The following PNMA8B variants were observed in gnomAD, a reference collection of about 807,000 sequenced individuals.
PNMA8B encodes the protein PNMA family member 8B.
For missense variants in PNMA8B, 887 were observed against 885.8 expected, an observed-to-expected ratio of 1.00 and a Z score of -0.02; for synonymous variants, 386 against 394.9, an observed-to-expected ratio of 0.98 and a Z score of 0.27.
chr19:46,492,480 A>C lies in PNMA8B; in HGVS notation c.*1078T>G. On this transcript the variant is annotated 3_prime_UTR_variant, in exon 1 of 1. Transcript: ENST00000599531. Reference sequence around the variant, plus strand: ...TGGGGTTTCCTCCCCAGGTCATTTCATCCCCTGTAAGGAGGGACACGCGGC... The same window carrying C: ...TGGGGTTTCCTCCCCAGGTCATTTCCTCCCCTGTAAGGAGGGACACGCGGC... The C allele has an allele frequency of 6.0e-6, 1 of 166,210 alleles. No homozygotes were observed. The highest frequency in any genetic ancestry group is 1.3e-5 in the Non-Finnish European group (1 of 76,136). The allele number at this position is 166,210 out of a possible 1,614,324, so 10.3% of individuals were successfully genotyped here.
At position 46,493,353 on chromosome 19, in the gene PNMA8B, T is replaced by A. The variant is rs1970032689; in HGVS notation, c.*205A>T. 1 of 402,990 alleles carries A rather than the reference T, an allele frequency of 2.5e-6. No individual in the cohort carries two copies. Among genetic ancestry groups the A allele is most frequent in the Admixed American group, 4.4e-5 (1 of 22,568 alleles). The allele number at this position is 402,990 out of a possible 1,614,324, so 25.0% of individuals were successfully genotyped here. On this transcript the variant is annotated 3_prime_UTR_variant, in exon 1 of 1. Transcript: ENST00000599531. This position sits in a 1 kb window ranked among gnomAD's most constrained non-coding sequence, Gnocchi z 5.3. Reference sequence around the variant, plus strand: ...TTCTCTTTCCTCCTCCCATCCGGGCTTCCTCCGTCGGGATCGCTGGCGCCC... The same window carrying A: ...TTCTCTTTCCTCCTCCCATCCGGGCATCCTCCGTCGGGATCGCTGGCGCCC...
In PNMA8B at chr19:46,494,881, C is replaced by T. The variant is rs1421883238; in HGVS notation, c.585G>A (p.Glu195=). Residue 195 remains glutamate (E), a synonymous_variant, in exon 1 of 1, where the codon GAG becomes GAA. Transcript: ENST00000599531. ...TGCCCAGGCTCTCGTCGGAAGAGTC[C>T]TCGGCCTCACTCCTCGCGGGAGCAG... ...RPSAPARSEA[E]DSSDESLGIV... 6.2e-7 allele frequency: 1 copy of T among 1,612,542 alleles called. No individual in the cohort carries two copies. Among genetic ancestry groups the T allele is most frequent in the East Asian group, 2.2e-5 (1 of 44,894 alleles).
Position 46,492,095 on chromosome 19 carries a change from T to C in PNMA8B, c.*1463A>G. The C allele has an allele frequency of 2.6e-6, 1 of 390,958 alleles. No homozygotes were observed. The highest frequency in any genetic ancestry group is 8.8e-5 in the East Asian group (1 of 11,324). The allele number at this position is 390,958 out of a possible 1,614,324, so 24.2% of individuals were successfully genotyped here. Reference sequence around the variant, plus strand: ...CTCAGTCAGCTTCTACATCTGGGTGTCCCTGACATAGGACTGGGACAGTCT... The same window carrying C: ...CTCAGTCAGCTTCTACATCTGGGTGCCCCTGACATAGGACTGGGACAGTCT... On this transcript the variant is annotated 3_prime_UTR_variant, in exon 1 of 1. Transcript: ENST00000599531.
At position 46,495,526 on chromosome 19, in the gene PNMA8B, C is replaced by A. The variant is rs1970082824; in HGVS notation, c.-61G>T. ...GGGAGCCCGAGATAGGGGTGGGCTG[C>A]AGCGCACGGTGTCAATGCAACCCTA... On this transcript the variant is annotated 5_prime_UTR_variant, in exon 1 of 1. Coordinates refer to ENST00000599531, the MANE Select transcript of PNMA8B (RefSeq NM_020709.3). 6.5e-7 allele frequency: 1 copy of A among 1,527,572 alleles called. No homozygotes were observed. The highest frequency in any genetic ancestry group is 1.4e-5 in the African/African-American group (1 of 72,582). 94.6% of individuals were successfully genotyped at this position (1,527,572 alleles called of 1,614,324 possible).
At position 46,493,885 on chromosome 19, in the gene PNMA8B, G is replaced by T; in HGVS notation, c.1581C>A (p.Asp527Glu). ...TGGCCCGGGGCTTCCTGGATGCCCT[G>T]TCCTCCGGCTCCGACGCCTCGCTCT... ...DTESEASEPE[D>E]RASRKPRAKR... Residue 527 changes from aspartate (D) to glutamate (E), a missense_variant, in exon 1 of 1, where the codon GAC becomes GAA. Coordinates refer to ENST00000599531, the MANE Select transcript of PNMA8B (RefSeq NM_020709.3). This position sits in a 1 kb window ranked among gnomAD's most constrained non-coding sequence, Gnocchi z 5.3. 6.4e-7 allele frequency: 1 copy of T among 1,553,114 alleles called. No homozygotes were observed.
rs190785097 is a variant in PNMA8B, at chr19:46,493,577, A to G, written c.1889T>C (p.Leu630Pro). 4.6e-3 allele frequency: 6,712 copies of G among 1,449,090 alleles called. 17 individuals are homozygous for G. Among genetic ancestry groups the G allele is most frequent in the Non-Finnish European group, 5.4e-3 (5,984 of 1,109,294 alleles). 89.8% of individuals were successfully genotyped at this position (1,449,090 alleles called of 1,614,324 possible). ...GGGCCACTAGCGGCATTTAGGGGGC[A>G]GCCTCCGGCCCCGACGGGCCTTCTT... ...RGKKARRGRR[L>P]PPKCR is the part of the protein sequence containing the mutation. Residue 630 changes from leucine (L) to proline (P), a missense_variant, in exon 1 of 1, where the codon CTG (leucine) becomes CCG (proline). Physicochemically the swap from Leu to Pro is moderately conservative, Grantham distance 98. Transcript: ENST00000599531. The surrounding 1 kb of genome is among the most constrained non-coding windows in gnomAD (Gnocchi z 5.3).
Position 46,494,437 on chromosome 19 carries a change from G to A in PNMA8B, c.1029C>T (p.Asp343=), listed in dbSNP as rs1169301745. 2 of 1,613,970 alleles carry A rather than the reference G, an allele frequency of 1.2e-6. No individual in the cohort carries two copies. Among genetic ancestry groups the A allele is most frequent in the African/African-American group, 1.3e-5 (1 of 75,076 alleles). The change falls in exon 1 of 1, where the codon GAC becomes GAT. Residue 343 remains aspartate (D), a synonymous_variant. Transcript: ENST00000599531. ...TCAACATCTCCTCCCGGGCCCAGGG[G>A]TCCGACGGGTCGGTATAGGCCACAA... ...VAIVAYTDPS[D]PWAREEMLKI...
chr19:46,495,088 C>T lies in PNMA8B; in HGVS notation c.378G>A (p.Glu126=), dbSNP rs141479764. The change falls in exon 1 of 1, where the codon GAG becomes GAA. Residue 126 remains glutamate (E), a synonymous_variant. Coordinates refer to ENST00000599531, the MANE Select transcript of PNMA8B (RefSeq NM_020709.3). ...TQAAEAGTPG[E]APTPPASETQ... ...TCTCCGAAGCGGGAGGGGTGGGTGC[C>T]TCCCCGGGGGTCCCAGCCTCCGCGG... is the stretch of plus-strand genomic sequence containing the variant. 659 of 1,613,004 alleles carry T rather than the reference C, an allele frequency of 4.1e-4. 6 individuals carry two copies. In the Middle Eastern group the frequency reaches 9.9e-3, roughly 24 times the overall value.
Position 46,493,922 on chromosome 19 carries a change from G to A in PNMA8B, c.1544C>T (p.Ser515Leu), listed in dbSNP as rs543308728. Residue 515 changes from serine (S) to leucine (L), a missense_variant, in exon 1 of 1, where the codon TCG becomes TTG. Physicochemically the swap from Ser to Leu is moderately radical, Grantham distance 145 (BLOSUM62 -2). Transcript: ENST00000599531. This position sits in a 1 kb window ranked among gnomAD's most constrained non-coding sequence, Gnocchi z 5.3. ...CGACGCCTCGCTCTCGGTGTCCTCC[G>A]ACTCCTCCTCGGACTGTTCGTCCGA... ...EASDEQSEEE[S>L]EDTESEASEP... is the part of the protein sequence containing the mutation. 1.3e-6 allele frequency: 2 copies of A among 1,590,692 alleles called. No homozygotes were observed. The highest frequency in any genetic ancestry group is 1.7e-6 in the Non-Finnish European group (2 of 1,168,802).
Position 46,493,473 on chromosome 19 carries a change from A to C in PNMA8B, c.*85T>G. The C allele has an allele frequency of 1.2e-6, 1 of 825,554 alleles. No individual in the cohort carries two copies. Among genetic ancestry groups the C allele is most frequent in the Non-Finnish European group, 1.6e-6 (1 of 612,188 alleles). 51.1% of individuals were successfully genotyped at this position (825,554 alleles called of 1,614,324 possible). Reference sequence around the variant, plus strand: ...GGAGATTGCGTCTGCGGAGGACAGGAAGAGGGGAGGGGAGGGCGGGGGCCA... The same window carrying C: ...GGAGATTGCGTCTGCGGAGGACAGGCAGAGGGGAGGGGAGGGCGGGGGCCA... On this transcript the variant is annotated 3_prime_UTR_variant, in exon 1 of 1. Coordinates refer to ENST00000599531, the MANE Select transcript of PNMA8B (RefSeq NM_020709.3). This position sits in a 1 kb window ranked among gnomAD's most constrained non-coding sequence, Gnocchi z 5.3.
In PNMA8B at chr19:46,494,623, G is replaced by A. The variant is rs1970062856; in HGVS notation, c.843C>T (p.Asn281=). ...EPAGAESIRL[N]TKEDKNGVPD... is the part of the protein sequence containing the mutation. ...GGACACCATTTTTGTCTTCTTTGGT[G>A]TTCAAGCGGATGGATTCGGCCCCAG... Residue 281 remains asparagine, a synonymous_variant, in exon 1 of 1, where the codon AAC becomes AAT. Coordinates refer to ENST00000599531, the MANE Select transcript of PNMA8B (RefSeq NM_020709.3). The A allele has an allele frequency of 6.2e-7, 1 of 1,613,934 alleles. No individual in the cohort carries two copies. Among genetic ancestry groups the A allele is most frequent in the Non-Finnish European group, 8.5e-7 (1 of 1,179,898 alleles).
chr19:46,491,905 T>TA lies in PNMA8B; in HGVS notation c.*1652dup, dbSNP rs1324502384. 5.3e-6 allele frequency: 1 copy of TA among 189,934 alleles called. No individual in the cohort carries two copies. The highest frequency in any genetic ancestry group is 1.1e-5 in the Non-Finnish European group (1 of 88,808). 11.8% of individuals were successfully genotyped at this position (189,934 alleles called of 1,614,324 possible). A position where few individuals can be genotyped will look rare whatever the true frequency, so the allele number is the denominator to read the frequency against. On this transcript the variant is annotated 3_prime_UTR_variant, in exon 1 of 1. Coordinates refer to ENST00000599531, the MANE Select transcript of PNMA8B (RefSeq NM_020709.3). ...GACACAGGGCACAGGGAGAGAAGCCTAGGACTGCTACGGGAGAAGCACACC... is the reference window on the plus strand; with the variant it reads ...GACACAGGGCACAGGGAGAGAAGCCTAAGGACTGCTACGGGAGAAGCACACC...
Position 46,495,323 on chromosome 19 carries a change from G to A in PNMA8B, c.143C>T (p.Thr48Met), listed in dbSNP as rs1027022189. Residue 48 changes from threonine (T) to methionine (M), a missense_variant, in exon 1 of 1, where the codon ACG becomes ATG. Coordinates refer to ENST00000599531, the MANE Select transcript of PNMA8B (RefSeq NM_020709.3). ...AGCCTTCATGTGTCGCAACCTGAAC[G>A]TGCCCAGGGGCAGGAGGGTCGGCTG... ...VLQPTLLPLG[T>M]FRLRHMKALM... The A allele has an allele frequency of 2.4e-5, 31 of 1,303,408 alleles. 1 individual carries two copies. The highest frequency in any genetic ancestry group is 3.1e-5 in the Non-Finnish European group (28 of 896,358). The allele number at this position is 1,303,408 out of a possible 1,614,324, so 80.7% of individuals were successfully genotyped here.
Position 46,494,598 on chromosome 19 carries a change from G to T in PNMA8B, c.868C>A (p.Pro290Thr), listed in dbSNP as rs771219969. The change falls in exon 1 of 1, where the codon CCC (proline) becomes ACC (threonine). Residue 290 changes from proline to threonine, a missense_variant. Transcript: ENST00000599531. ...ACAGCCAGCAGGGCCACTAAGTCGG[G>T]GACACCATTTTTGTCTTCTTTGGTG... ...LNTKEDKNGV[P>T]DLVALLAVRD... 6.2e-7 allele frequency: 1 copy of T among 1,614,028 alleles called. No homozygotes were observed. Among genetic ancestry groups the T allele is most frequent in the Non-Finnish European group, 8.5e-7 (1 of 1,179,884 alleles).
Position 46,495,714 on chromosome 19 carries a change from C to T in PNMA8B, c.-249G>A. On this transcript the variant is annotated 5_prime_UTR_variant, in exon 1 of 1. Transcript: ENST00000599531. ...TGTCTGAGGATCCGCGGGGGGCTTA[C>T]GTGTCTGCTTTCCAGGACAGCTCCC... 1 of 519,448 alleles carries T rather than the reference C, an allele frequency of 1.9e-6. No homozygotes were observed. Among genetic ancestry groups the T allele is most frequent in the East Asian group, 3.1e-5 (1 of 32,406 alleles). The allele number at this position is 519,448 out of a possible 1,614,324, so 32.2% of individuals were successfully genotyped here.
Position 46,494,034 on chromosome 19 carries a change from T to C in PNMA8B, c.1432A>G (p.Lys478Glu), listed in dbSNP as rs1250846168. 6.2e-7 allele frequency: 1 copy of C among 1,613,480 alleles called. No homozygotes were observed. The change falls in exon 1 of 1, where the codon AAA (lysine) becomes GAA (glutamate). Residue 478 changes from lysine (K) to glutamate (E), a missense_variant. Transcript: ENST00000599531. The stretch of plus-strand genomic sequence containing the variant: ...TCCCCCAGTTTGCCTTTGGGGTATT[T>C]GTACTTCCCGCCTTCCCAGGCGTTT... The part of the protein sequence containing the change: ...KENAWEGGKY[K>E]YPKGKLGEVL...
In PNMA8B at chr19:46,493,526, G is replaced by C. The variant is rs374631744; in HGVS notation, c.*32C>G. 5.9e-5 allele frequency: 78 copies of C among 1,311,578 alleles called. No homozygotes were observed. The East Asian group carries it at 1.2e-3, about 20-fold the overall frequency. The allele number at this position is 1,311,578 out of a possible 1,614,324, so 81.2% of individuals were successfully genotyped here. A position where few individuals can be genotyped will look rare whatever the true frequency, so the allele number is the denominator to read the frequency against. ...GGCGGGCGGGTGCCCTGCGGGGCCT[G>C]CTCGCAGCCTGGGCGGCTTCTTGGG... On this transcript the variant is annotated 3_prime_UTR_variant, in exon 1 of 1. Coordinates refer to ENST00000599531, the MANE Select transcript of PNMA8B (RefSeq NM_020709.3). The surrounding 1 kb of genome is among the most constrained non-coding windows in gnomAD (Gnocchi z 5.3).
At position 46,494,229 on chromosome 19, in the gene PNMA8B, C is replaced by G; in HGVS notation, c.1237G>C (p.Glu413Gln). ...GGCTGCGCCAAGGTGGAAATGCACT[C>G]CCGGAGGTCCCCGTCATCCCCGGCC... ...RKAGDDGDLR[E>Q]CISTLAQPDL... The change falls in exon 1 of 1, where the codon GAG becomes CAG. Residue 413 changes from glutamate (E) to glutamine (Q), a missense_variant. By Grantham distance (29) the Glu-to-Gln change is conservative. Transcript: ENST00000599531. 1 of 1,609,170 alleles carries G rather than the reference C, an allele frequency of 6.2e-7. No individual in the cohort carries two copies.
In PNMA8B at chr19:46,493,584, G is replaced by T; in HGVS notation, c.1882C>A (p.Arg628=). The change falls in exon 1 of 1, where the codon CGG becomes AGG. Residue 628 remains arginine, a synonymous_variant. Coordinates refer to ENST00000599531, the MANE Select transcript of PNMA8B (RefSeq NM_020709.3). This position sits in a 1 kb window ranked among gnomAD's most constrained non-coding sequence, Gnocchi z 5.3. ...AARGKKARRG[R]RLPPKCR is the part of the protein sequence containing the mutation. ...TAGCGGCATTTAGGGGGCAGCCTCC[G>T]GCCCCGACGGGCCTTCTTCCCGCGC... 1 of 1,466,610 alleles carries T rather than the reference G, an allele frequency of 6.8e-7. No individual in the cohort carries two copies. The highest frequency in any genetic ancestry group is 8.9e-7 in the Non-Finnish European group (1 of 1,118,580). 90.8% of individuals were successfully genotyped at this position (1,466,610 alleles called of 1,614,324 possible). A position where few individuals can be genotyped will look rare whatever the true frequency, so the allele number is the denominator to read the frequency against.
Sources: gnomAD v4.1 joint callset for allele counts on GRCh38, gnomAD v4.1.1 for gene constraint, Gnocchi (gnomAD v3.1) non-coding constraint, MANE v1.5 for transcripts, NCBI Gene and HGNC (gene_info 2026-07-23, HGNC 2026-07-21) for gene names.